GALNTL6: variants seen among roughly 807,000 people sequenced by gnomAD.
GALNTL6 encodes the protein polypeptide N-acetylgalactosaminyltransferase-like 6.
GALNTL6 carries 46 observed loss-of-function variants against 73.7 expected under a neutral mutation model. The observed-to-expected ratio is 0.62, with a 90% confidence interval of 0.49 to 0.80. The LOEUF is 0.80. Ranked by LOEUF, GALNTL6 falls within the 30% of genes least tolerant of loss-of-function variation. The pLI, the probability that GALNTL6 is intolerant of heterozygous loss-of-function variation, is 0.00. For synonymous variants in GALNTL6, 259 were observed against 263.7 expected (o/e 0.98, Z 0.17); for missense variants, 604 against 755.0 (o/e 0.80, Z 2.34).
chr4:172,793,992 T>C (rs1284816797), intron 5 of GALNTL6, among the ~76,000 whole-genome samples: 1 of 152,176 alleles, frequency 6.6e-6, no homozygotes, highest in Non-Finnish European at 1.5e-5. Flanking sequence ...AAAATTTAAA[T>C]AATGACTTCT....
At chr4:172,568,937 A>G (rs574792358) in intron 5 of GALNTL6, among the ~76,000 whole-genome samples, 13 of 151,256 alleles carry the variant, frequency 8.6e-5, no homozygotes, top group Non-Finnish European at 1.8e-4. Flanking sequence ...CTCATTATCT[A>G]CTGTTAGTGT....
chr4:172,060,001 A>G (rs961493825), intron 2 of GALNTL6, among the ~76,000 whole-genome samples: 4 of 152,238 alleles, frequency 2.6e-5, no homozygotes, highest in Admixed American at 1.3e-4. Context: ...ATCCAGCTTC[A>G]CTTAACTAAA....
chr4:172,282,225 A>G (rs1739086006), intron 3 of GALNTL6, among the ~76,000 whole-genome samples: 1 of 152,186 alleles, frequency 6.6e-6, no homozygotes, highest in African/African-American at 2.4e-5. Context: ...CTAGAGATTT[A>G]AGCAAGACTT....
At chr4:172,311,054 C>A (rs776797816) in intron 3 of GALNTL6, among the ~76,000 whole-genome samples, 40 of 151,946 alleles carry the variant, frequency 2.6e-4, no homozygotes, top group Admixed American at 4.6e-4. Context: ...ACTGATGAAG[C>A]TGAAAATTTA....
intron 2 of GALNTL6, among the ~76,000 whole-genome samples, chr4:171,828,536 CT>C (rs1734883792): frequency 2.0e-5 from 3 of 152,270 alleles, no homozygotes; most frequent in African/African-American, 7.2e-5. Context: ...GACAATTCAT[CT>C]TATAAACAAA....
chr4:172,740,949 T>C (rs952394433), intron 5 of GALNTL6, among the ~76,000 whole-genome samples: 3 of 152,148 alleles, frequency 2.0e-5, no homozygotes, highest in African/African-American at 7.2e-5. Context: ...AGATTATGTG[T>C]TGAATGGCCA....
At chr4:171,897,833 C>A (rs1183596011) in intron 2 of GALNTL6, among the ~76,000 whole-genome samples, 1 of 150,526 alleles carries the variant, frequency 6.6e-6, no homozygotes, top group African/African-American at 2.4e-5. Context: ...GAGGCTGAGG[C>A]AGAGAATTGC....
rs146444882 is a variant in GALNTL6 at position 172,129,335 on chromosome 4, AG to A, written c.139-100320del. Among the ~76,000 whole-genome samples the A allele has an allele frequency of 3.2e-4, 48 of 152,328 alleles. No homozygotes were observed. The East Asian group carries it at 6.4e-3, about 20-fold the overall frequency. ...TTGCACTTTCTAATTCAGTTCTAAGAGAAAAACAACTTGGGGAGTGCAAACG... is the reference window on the plus strand; with the variant it reads ...TTGCACTTTCTAATTCAGTTCTAAGAAAAAACAACTTGGGGAGTGCAAACG... On this transcript the variant is annotated intron_variant, in intron 2 of 12. Transcript: ENST00000506823.
At chr4:172,537,265 C>T (rs1287852574) in intron 5 of GALNTL6, among the ~76,000 whole-genome samples, 3 of 152,146 alleles carry the variant, frequency 2.0e-5, no homozygotes, top group Non-Finnish European at 4.4e-5. Flanking sequence ...TTGGCTGTGT[C>T]CCTACCCAAA....
At chr4:172,350,808 T>A (rs1209895383) in intron 5 of GALNTL6, among the ~76,000 whole-genome samples, 4 of 152,186 alleles carry the variant, frequency 2.6e-5, no homozygotes, top group African/African-American at 9.6e-5. Context: ...GAGTATTGGT[T>A]GATGTACATT....
chr4:172,671,608 A>G (rs1731990873), intron 5 of GALNTL6, among the ~76,000 whole-genome samples: 3 of 152,320 alleles, frequency 2.0e-5, no homozygotes, highest in Middle Eastern at 3.4e-3. Context: ...ATCTGCAAAC[A>G]GGGATAATTT....
At chr4:172,388,923 G>GCTATATCTATAT (rs200367901) in intron 5 of GALNTL6, among the ~76,000 whole-genome samples, 1 of 151,882 alleles carries the variant, frequency 6.6e-6, no homozygotes, top group African/African-American at 2.4e-5. Flanking sequence ...GAAAAGCTGT[G>GCTATATCTATAT]CTATATCTAT....
intron 2 of GALNTL6, among the ~76,000 whole-genome samples, chr4:172,134,350 A>C (rs1385042618): frequency 6.6e-6 from 1 of 151,056 alleles, no homozygotes; most frequent in Non-Finnish European, 1.5e-5. Flanking sequence ...ACTCCACTGC[A>C]CTCCAGCCTG....
At chr4:172,132,469 C>G (rs1733524674) in intron 2 of GALNTL6, among the ~76,000 whole-genome samples, 1 of 151,910 alleles carries the variant, frequency 6.6e-6, no homozygotes, top group Non-Finnish European at 1.5e-5. Context: ...TCAATTTTGG[C>G]TCTTTGTCAT....
At chr4:172,669,962 G>A (rs1731882519) in intron 5 of GALNTL6, among the ~76,000 whole-genome samples, 1 of 152,092 alleles carries the variant, frequency 6.6e-6, no homozygotes, top group Admixed American at 6.6e-5. Flanking sequence ...TAAGGATAAT[G>A]GCCTCCAGCT....
chr4:172,917,400 G>A (rs1223132724), intron 8 of GALNTL6, among the ~76,000 whole-genome samples: 7 of 152,126 alleles, frequency 4.6e-5, no homozygotes, highest in Non-Finnish European at 7.4e-5. Flanking sequence ...TGACAAATGG[G>A]ATCTAATTAA....
At chr4:171,908,055 T>C (rs1422941310) in intron 2 of GALNTL6, among the ~76,000 whole-genome samples, 2 of 152,062 alleles carry the variant, frequency 1.3e-5, no homozygotes, top group African/African-American at 4.8e-5. Context: ...GAAGAAAACC[T>C]AGGCATTACC....
chr4:172,440,376 C>T (rs1192736329), intron 5 of GALNTL6, among the ~76,000 whole-genome samples: 2 of 151,902 alleles, frequency 1.3e-5, no homozygotes, highest in African/African-American at 2.4e-5. Context: ...TAAAAGAAGC[C>T]GATCTGGAAA....
intron 5 of GALNTL6, among the ~76,000 whole-genome samples, chr4:172,645,861 C>G (rs912668544): frequency 6.6e-6 from 1 of 151,856 alleles, no homozygotes; most frequent in Non-Finnish European, 1.5e-5. Flanking sequence ...ATAAACAGGA[C>G]TTATCAAGGC....
Sources: allele counts gnomAD v4.1 joint callset (sites outside exome capture counted in the v4.1 genomes callset), GRCh38; gene constraint gnomAD v4.1.1; transcripts MANE v1.5; gene names NCBI Gene and HGNC (gene_info 2026-07-23, HGNC 2026-07-21).